The following ALK variants were observed in gnomAD, a reference collection of about 807,000 sequenced individuals.
The protein encoded by ALK is ALK tyrosine kinase receptor.
A neutral mutation model predicts 163.1 loss-of-function variants in ALK; 74 were observed. The observed-to-expected ratio is 0.45, with a 90% CI of 0.38 to 0.55. ALK has a LOEUF of 0.55. ALK is among the 20% of genes least tolerant of loss of function. The pLI, the probability that ALK is intolerant of heterozygous loss-of-function variation, is 0.00. For missense variants in ALK, 2,063 were observed against 2,105.3 expected (o/e 0.98, Z 0.39); for synonymous variants, 960 against 843.2 (o/e 1.14, Z -2.40).
In ALK at chr2:29,193,238, G is replaced by A. The variant is rs1345614251; in HGVS notation, c.4849C>T (p.Gln1617Ter). 8 of 1,613,978 alleles carry A rather than the reference G, an allele frequency of 5.0e-6. No individual in the cohort carries two copies. Among genetic ancestry groups the A allele is most frequent in the Non-Finnish European group, 6.8e-6 (8 of 1,180,026 alleles). Residue 1617 changes from glutamine to a stop codon, truncating the protein, a stop_gained, in exon 29 of 29, where the codon CAG becomes TAG. Transcript: ENST00000389048. LOFTEE classifies it high-confidence loss of function. Reference sequence around the variant, plus strand: ...TGCGACCGAGCTCAGGGCCCAGGCTGGTTCATGCTATTCTTGCTTTTCAGA... The same window carrying A: ...TGCGACCGAGCTCAGGGCCCAGGCTAGTTCATGCTATTCTTGCTTTTCAGA... The part of the protein sequence containing the change: ...TILKSKNSMN[Q>*]PGP
At chr2:29,232,772 G>A (rs922945308) in intron 14 of ALK, among the ~76,000 whole-genome samples, 3 of 152,146 alleles carry the variant, frequency 2.0e-5, no homozygotes, top group Admixed American at 2.0e-4. Context: ...TCCTTAGACT[G>A]GCCTCAGAGG....
chr2:29,898,097 G>A (rs558816192), intron 1 of ALK, among the ~76,000 whole-genome samples: 1 of 152,316 alleles, frequency 6.6e-6, no homozygotes, highest in South Asian at 2.1e-4. Context: ...GAGGGAGGGT[G>A]AAGAGAAAGG....
chr2:29,413,019 C>T (rs894299340), intron 4 of ALK, among the ~76,000 whole-genome samples: 17 of 152,316 alleles, frequency 1.1e-4, no homozygotes, highest in Admixed American at 5.9e-4. Flanking sequence ...ACATGCTTGA[C>T]GGGCAAGCAA....
intron 4 of ALK, among the ~76,000 whole-genome samples, chr2:29,512,557 A>C (rs1191256393): frequency 1.4e-5 from 2 of 147,046 alleles, no homozygotes; most frequent in Non-Finnish European, 3.0e-5. Flanking sequence ...AATGGGCAAA[A>C]ACTGGAAGCA....
chr2:29,285,675 G>A (rs1163991754), intron 9 of ALK, among the ~76,000 whole-genome samples: 2 of 151,898 alleles, frequency 1.3e-5, no homozygotes, highest in South Asian at 2.1e-4. Flanking sequence ...TGATTCTCCA[G>A]CCTCAGCCTC....
intron 3 of ALK, among the ~76,000 whole-genome samples, chr2:29,611,887 T>C (rs957872098): frequency 3.3e-5 from 5 of 152,228 alleles, no homozygotes; most frequent in Non-Finnish European, 5.9e-5. Context: ...GAGTCAAATA[T>C]ACCCTTTTTC....
At chr2:29,664,986 CT>C (rs139040563) in intron 3 of ALK, among the ~76,000 whole-genome samples, 2,017 of 149,684 alleles carry the variant, frequency 0.013, 40 homozygotes, top group African/African-American at 0.048. Context: ...AAAATACATC[CT>C]TTTTTTTCTT....
chr2:29,699,651 A>G (rs765693164), intron 2 of ALK, among the ~76,000 whole-genome samples: 1 of 152,218 alleles, frequency 6.6e-6, no homozygotes, highest in Non-Finnish European at 1.5e-5. Flanking sequence ...TGTCAGGCCC[A>G]TTTTGCAGAA....
intron 1 of ALK, among the ~76,000 whole-genome samples, chr2:29,843,220 A>G (rs1226644039): frequency 6.6e-6 from 1 of 152,158 alleles, no homozygotes; most frequent in Non-Finnish European, 1.5e-5. Context: ...TCGGTGCCCC[A>G]CTACCATGCA....
chr2:29,637,678 C>T (rs1184781294), intron 3 of ALK, among the ~76,000 whole-genome samples: 1 of 126,038 alleles, frequency 7.9e-6, no homozygotes, highest in Non-Finnish European at 1.6e-5. Context: ...CGCCGCACTC[C>T]AGCCTGGGTG....
intron 1 of ALK, among the ~76,000 whole-genome samples, chr2:29,753,461 C>T (rs1680430942): frequency 6.6e-6 from 1 of 152,154 alleles, no homozygotes; most frequent in Admixed American, 6.5e-5. Context: ...TGCCTGGCTT[C>T]CCCCTCTCTT....
chr2:29,832,484 G>T (rs1431527874), intron 1 of ALK, among the ~76,000 whole-genome samples: 1 of 152,204 alleles, frequency 6.6e-6, no homozygotes, highest in South Asian at 2.1e-4. Context: ...GATATGTAGG[G>T]TGCACATGAG....
intron 3 of ALK, among the ~76,000 whole-genome samples, chr2:29,593,165 G>T (rs899085333): frequency 6.6e-6 from 1 of 152,206 alleles, no homozygotes; most frequent in Non-Finnish European, 1.5e-5. Context: ...TGCCTGGCTG[G>T]CATGTGGGGT....
intron 5 of ALK, among the ~76,000 whole-genome samples, chr2:29,355,095 T>C (rs766444379): frequency 1.3e-5 from 2 of 152,200 alleles, no homozygotes; most frequent in Non-Finnish European, 2.9e-5. Flanking sequence ...CAAGAATGGA[T>C]ACCTGATACC....
intron 4 of ALK, among the ~76,000 whole-genome samples, chr2:29,390,232 G>T (rs1166584122): frequency 6.6e-6 from 1 of 152,102 alleles, no homozygotes; most frequent in East Asian, 1.9e-4. Context: ...ACAAGATGTG[G>T]CTATCCTCAT....
intron 3 of ALK, among the ~76,000 whole-genome samples, chr2:29,683,708 C>T (rs368095751): frequency 1.5e-3 from 232 of 152,272 alleles, no homozygotes; most frequent in African/African-American, 5.2e-3. Context: ...TAACCCACCC[C>T]CCATTCCCAG....
intron 8 of ALK, among the ~76,000 whole-genome samples, chr2:29,312,465 T>C (rs141239197): frequency 0.012 from 1,887 of 152,230 alleles, 23 homozygotes; most frequent in Non-Finnish European, 0.019. Context: ...GTTGCCTTGG[T>C]GATGCTCCTT....
chr2:29,810,760 T>C (rs989704403), intron 1 of ALK, among the ~76,000 whole-genome samples: 1 of 152,152 alleles, frequency 6.6e-6, no homozygotes, highest in African/African-American at 2.4e-5. Context: ...TTGAATTGTG[T>C]ACCCTCCAAA....
chr2:29,861,468 A>G (rs1291508974), intron 1 of ALK, among the ~76,000 whole-genome samples: 2 of 152,194 alleles, frequency 1.3e-5, no homozygotes, highest in Non-Finnish European at 1.5e-5. Flanking sequence ...AATACCACAG[A>G]AATACAAAAG....
Sources: gnomAD v4.1 joint callset for allele counts (sites outside exome capture counted in the v4.1 genomes callset) on GRCh38, gnomAD v4.1.1 for gene constraint, MANE v1.5 for transcripts, NCBI Gene and HGNC (gene_info 2026-07-23, HGNC 2026-07-21) for gene names.